Variants in MPDZ observed in about 807,000 individuals in gnomAD.
MPDZ encodes multiple PDZ domain protein.
MPDZ carries 234 observed loss-of-function variants against 239.1 expected under a neutral mutation model. The ratio of observed to expected loss-of-function variants is 0.98; its 90% confidence interval spans 0.88 to 1.09. The LOEUF is 1.09. MPDZ is among the 50% of genes least tolerant of loss of function. The probability of loss-of-function intolerance (pLI) is 0.00; values close to 1 mark genes in which losing one functional copy is unlikely to be tolerated. For synonymous variants in MPDZ, 1,048 were observed against 881.3 expected, an observed-to-expected ratio of 1.19 and a Z score of -3.35; for missense variants, 3,175 against 2,510.0, an observed-to-expected ratio of 1.26 and a Z score of -5.66.
chr9:13,165,166 G>A (rs1487215303), intron 22 of MPDZ, among the ~76,000 whole-genome samples: 1 of 152,114 alleles, frequency 6.6e-6, no homozygotes, highest in Non-Finnish European at 1.5e-5. Context: ...ACAATCATCA[G>A]TACAATGTGA....
intron 13 of MPDZ, among the ~76,000 whole-genome samples, chr9:13,194,077 G>GA (rs1161940336): frequency 3.2e-4 from 48 of 152,064 alleles, no homozygotes; most frequent in African/African-American, 1.1e-3. Flanking sequence ...CTTCCCCTGA[G>GA]AATGTCCCAT....
chr9:13,223,605 C>T lies in MPDZ; in HGVS notation c.499G>A (p.Val167Ile), dbSNP rs1587923352. 3 of 1,612,228 alleles carry T rather than the reference C, an allele frequency of 1.9e-6. No homozygotes were observed. The highest frequency in any genetic ancestry group is 2.5e-6 in the Non-Finnish European group (3 of 1,178,910). The stretch of plus-strand genomic sequence containing the variant: ...ACACTGCCCTCTTGTATCTCTTGAA[C>T]AAATATTCCCAGCTCTCCTCTGTTT... Reference protein sequence around the residue: ...SENRGELGIFVQEIQEGSVAH... With the variant: ...SENRGELGIFIQEIQEGSVAH... The change falls in exon 5 of 47, where the codon GTT (valine) becomes ATT (isoleucine). Residue 167 changes from valine to isoleucine, a missense_variant. Transcript: ENST00000319217.
At chr9:13,244,752 T>C (rs1966206555) in intron 3 of MPDZ, among the ~76,000 whole-genome samples, 1 of 152,136 alleles carries the variant, frequency 6.6e-6, no homozygotes, top group Non-Finnish European at 1.5e-5. Context: ...AATTAAACAT[T>C]ATTGAATAGA....
In MPDZ at chr9:13,219,732, T is replaced by A. The variant is rs758946432; in HGVS notation, c.913A>T (p.Ile305Phe). 6.2e-7 allele frequency: 1 copy of A among 1,612,566 alleles called. No homozygotes were observed. Residue 305 changes from isoleucine to phenylalanine, a missense_variant, in exon 8 of 47, where the codon ATT becomes TTT. Physicochemically the swap from Ile to Phe is conservative, Grantham distance 21. Transcript: ENST00000319217. ...RLCSGDHILK[I>F]GDTDLAGMSS... ...ATTCCTGCTAGATCTGTGTCACCAA[T>A]CTTTAGAATGTGGTCTCCACTGCAT...
At chr9:13,151,565 C>G (rs1382485033) in intron 24 of MPDZ, among the ~76,000 whole-genome samples, 1 of 151,978 alleles carries the variant, frequency 6.6e-6, no homozygotes, top group African/African-American at 2.4e-5. Context: ...TTTAATTTCA[C>G]TCATATAAAG....
chr9:13,239,643 T>C (rs1159868520), intron 3 of MPDZ, among the ~76,000 whole-genome samples: 1 of 152,276 alleles, frequency 6.6e-6, no homozygotes, highest in African/African-American at 2.4e-5. Context: ...AATGACAGTT[T>C]TGAATATTTA....
chr9:13,139,512 A>C (rs992166922), intron 28 of MPDZ, among the ~76,000 whole-genome samples: 1 of 152,188 alleles, frequency 6.6e-6, no homozygotes, highest in Non-Finnish European at 1.5e-5. Flanking sequence ...ACTAGGCTAA[A>C]GCTTAGAGAC....
At chr9:13,245,106 T>C (rs1198439791) in intron 3 of MPDZ, among the ~76,000 whole-genome samples, 2 of 152,070 alleles carry the variant, frequency 1.3e-5, no homozygotes, top group African/African-American at 4.8e-5. Flanking sequence ...AGAATAAATT[T>C]AATTCCTGAA....
At chr9:13,205,677 T>C (rs567535556) in intron 11 of MPDZ, among the ~76,000 whole-genome samples, 56 of 152,264 alleles carry the variant, frequency 3.7e-4, no homozygotes, top group African/African-American at 9.4e-4. Flanking sequence ...ATGAATAGGA[T>C]AGAAAGAAAT....
chr9:13,114,116 G>A, intron 40 of MPDZ, 95 bp from the exon 41 acceptor site: 2 of 939,836 alleles, frequency 2.1e-6, no homozygotes, highest in Admixed American at 2.5e-5. Flanking sequence ...ACAGATACCT[G>A]TTAAGCAACA....
At chr9:13,205,364 A>G (rs1166691138) in intron 11 of MPDZ, among the ~76,000 whole-genome samples, 1 of 152,186 alleles carries the variant, frequency 6.6e-6, no homozygotes, top group Non-Finnish European at 1.5e-5. Flanking sequence ...CAATTTTAGA[A>G]ATGAAACAGC....
At chr9:13,126,919 C>T in intron 32 of MPDZ, 147 bp from the exon 33 acceptor site, 1 of 637,506 alleles carries the variant, frequency 1.6e-6, no homozygotes, top group Non-Finnish European at 2.6e-6. Context: ...TCTTAGAAAT[C>T]TTGTCTTTTC....
Position 13,107,018 on chromosome 9 carries a change from C to T in MPDZ, c.6160G>A (p.Val2054Ile), listed in dbSNP as rs1941570188. Residue 2054 changes from valine (V) to isoleucine (I), a missense_variant, in exon 47 of 47, where the codon GTT becomes ATT. Transcript: ENST00000319217. ...CCTTTTGTCCGTTTAAGGATGGCAA[C>T]AGCTTCTTCATGGGTGACTCCTTCT... ...SLEGVTHEEA[V>I]AILKRTKGTV... is the part of the protein sequence containing the mutation. 1 of 1,613,388 alleles carries T rather than the reference C, an allele frequency of 6.2e-7. No homozygotes were observed. Among genetic ancestry groups the T allele is most frequent in the South Asian group, 1.1e-5 (1 of 91,040 alleles).
chr9:13,215,501 G>C (rs1000251456), intron 10 of MPDZ, among the ~76,000 whole-genome samples: 5 of 150,462 alleles, frequency 3.3e-5, no homozygotes, highest in African/African-American at 1.2e-4. Flanking sequence ...CTTCCATGTC[G>C]TGGCGAGTGT....
At chr9:13,205,312 T>C (rs950934099) in intron 11 of MPDZ, among the ~76,000 whole-genome samples, 7 of 152,194 alleles carry the variant, frequency 4.6e-5, no homozygotes, top group African/African-American at 1.7e-4. Flanking sequence ...TGTCTCTTAA[T>C]AGTGCAATAT....
chr9:13,270,510 A>G (rs1295656603), intron 1 of MPDZ, among the ~76,000 whole-genome samples: 1 of 152,104 alleles, frequency 6.6e-6, no homozygotes, highest in Non-Finnish European at 1.5e-5. Context: ...TCTAAAGGCA[A>G]TATGATAAAA....
At position 13,121,843 on chromosome 9, in the gene MPDZ, G is replaced by A; in HGVS notation, c.5127C>T (p.Tyr1709=). 1 of 1,613,832 alleles carries A rather than the reference G, an allele frequency of 6.2e-7. No homozygotes were observed. Among genetic ancestry groups the A allele is most frequent in the Non-Finnish European group, 8.5e-7 (1 of 1,179,828 alleles). ...QTPQRVRLTL[Y]RDEAPYKEEE... ...CCTCTTTGTATGGGGCCTCATCTCT[G>A]TAGAGTGTCAGGCGCACTCTCTGTG... Residue 1709 remains tyrosine (Y), a synonymous_variant, in exon 38 of 47, where the codon TAC becomes TAT. Coordinates refer to ENST00000319217, the MANE Select transcript of MPDZ (RefSeq NM_001378778.1).
chr9:13,153,287 ACT>A (rs1419785584), intron 24 of MPDZ, among the ~76,000 whole-genome samples: 1 of 151,982 alleles, frequency 6.6e-6, no homozygotes, highest in Non-Finnish European at 1.5e-5. Flanking sequence ...AACTCTAGAA[ACT>A]CTACCTGTTT....
intron 19 of MPDZ, among the ~76,000 whole-genome samples, chr9:13,178,641 G>A (rs911502882): frequency 2.0e-5 from 3 of 152,170 alleles, no homozygotes; most frequent in African/African-American, 7.2e-5. Flanking sequence ...GGATTCACAG[G>A]AGCCTCCAAG....
Sources: gnomAD v4.1 joint callset for allele counts (sites outside exome capture counted in the v4.1 genomes callset) on GRCh38, gnomAD v4.1.1 for gene constraint, MANE v1.5 for transcripts, NCBI Gene and HGNC (gene_info 2026-07-23, HGNC 2026-07-21) for gene names.